XIRP2: variants seen among roughly 807,000 people sequenced by gnomAD.
The protein encoded by XIRP2 is xin actin binding repeat containing 2.
In XIRP2, 236 loss-of-function variants were observed where a neutral mutation model predicts 277.0. The observed-to-expected ratio is 0.85, with a 90% CI of 0.77 to 0.95. The LOEUF is 0.95. XIRP2 is among the 40% of genes least tolerant of loss of function. The probability of loss-of-function intolerance (pLI) is 0.00; values close to 1 mark genes in which losing one functional copy is unlikely to be tolerated. For synonymous variants in XIRP2, 1,490 were observed against 1,416.5 expected, an observed-to-expected ratio of 1.05 and a Z score of -1.17; for missense variants, 4,640 against 4,157.5, an observed-to-expected ratio of 1.12 and a Z score of -3.19.
rs1695417522 is a variant in XIRP2, at chr2:167,249,908, G to A, written c.8516G>A (p.Arg2839Lys). ...GRKEERLITERKHEHLKNKSA... is the reference protein window; with the variant it reads ...GRKEERLITEKKHEHLKNKSA... ...AAAGAAGAGAGATTAATAACTGAAA[G>A]AAAACACGAACATCTGAAGAATAAA... The change falls in exon 9 of 11, where the codon AGA becomes AAA. Residue 2839 changes from arginine to lysine, a missense_variant. Transcript: ENST00000409195. 1 of 1,613,252 alleles carries A rather than the reference G, an allele frequency of 6.2e-7. No homozygotes were observed.
intron 2 of XIRP2, among the ~76,000 whole-genome samples, chr2:166,914,366 A>G (rs373389699): frequency 5.3e-4 from 80 of 152,194 alleles, no homozygotes; most frequent in African/African-American, 1.7e-3. Context: ...TTTGAGATGG[A>G]GTCTCGCTCT....
chr2:167,207,466 G>A (rs1352910062), intron 3 of XIRP2, among the ~76,000 whole-genome samples: 1 of 152,120 alleles, frequency 6.6e-6, no homozygotes, highest in East Asian at 1.9e-4. Flanking sequence ...GTTACGGAAT[G>A]CAGACCTGTG....
intron 1 of XIRP2, among the ~76,000 whole-genome samples, chr2:166,891,360 G>A (rs1684099924): frequency 2.0e-5 from 3 of 152,102 alleles, no homozygotes; most frequent in Non-Finnish European, 4.4e-5. Context: ...TATGAATTAT[G>A]CATGCATCCT....
Position 167,210,727 on chromosome 2 carries a change from G to A in XIRP2, c.563-8G>A. 1 of 1,614,014 alleles carries A rather than the reference G, an allele frequency of 6.2e-7. No homozygotes were observed. The highest frequency in any genetic ancestry group is 8.5e-7 in the Non-Finnish European group (1 of 1,179,878). ...ACACATGTGTAAGCATGCTCTGTTT[G>A]CTTTCAGCGACTGCTGGCCCTAATA... On this transcript the variant is annotated splice_polypyrimidine_tract_variant and splice_region_variant and intron_variant, in intron 3 of 10. Transcript: ENST00000409195.
intron 1 of XIRP2, among the ~76,000 whole-genome samples, chr2:166,892,063 G>C (rs530278288): frequency 6.6e-5 from 10 of 152,162 alleles, no homozygotes; most frequent in Admixed American, 6.6e-4. Context: ...CTATTTTGAA[G>C]GATGCTAGAA....
intron 2 of XIRP2, among the ~76,000 whole-genome samples, chr2:167,090,057 A>T (rs895721450): frequency 2.6e-5 from 4 of 152,174 alleles, no homozygotes; most frequent in African/African-American, 9.7e-5. Context: ...ATCAAATGCC[A>T]ACTCAGTGAA....
At chr2:167,067,103 A>C (rs1689319818) in intron 2 of XIRP2, among the ~76,000 whole-genome samples, 1 of 152,142 alleles carries the variant, frequency 6.6e-6, no homozygotes, top group East Asian at 1.9e-4. Context: ...ATTTTTAGCC[A>C]TTGGTTCTTC....
At chr2:167,153,506 C>T (rs1382579548) in intron 3 of XIRP2, among the ~76,000 whole-genome samples, 1 of 151,866 alleles carries the variant, frequency 6.6e-6, no homozygotes, top group Admixed American at 6.6e-5. Context: ...GTGCTGCATC[C>T]ATTAACTCGT....
intron 2 of XIRP2, among the ~76,000 whole-genome samples, chr2:166,910,487 T>A (rs1684669909): frequency 6.6e-6 from 1 of 152,218 alleles, no homozygotes; most frequent in African/African-American, 2.4e-5. Context: ...ATGGCATCTA[T>A]TTGATTCTTC....
intron 3 of XIRP2, among the ~76,000 whole-genome samples, chr2:167,155,209 C>A (rs1692149524): frequency 6.6e-6 from 1 of 151,230 alleles, no homozygotes; most frequent in Admixed American, 6.6e-5. Context: ...CTATTCCAAT[C>A]AATAGAAAAA....
In XIRP2 at chr2:167,243,484, A is replaced by G. The variant is rs777940740; in HGVS notation, c.2092A>G (p.Thr698Ala). ...CAAGACTGTGAGATACATGTTTGAA[A>G]CTCAACATCTAGATCAACTTGGACA... ...DVKTVRYMFE[T>A]QHLDQLGQLH... Residue 698 changes from threonine (T) to alanine (A), a missense_variant, in exon 9 of 11, where the codon ACT becomes GCT. By Grantham distance (58) the Thr-to-Ala change is moderately conservative (BLOSUM62 0). Transcript: ENST00000409195. The G allele has an allele frequency of 3.1e-6, 5 of 1,614,042 alleles. No individual in the cohort carries two copies. The highest frequency in any genetic ancestry group is 4.5e-5 in the East Asian group (2 of 44,860).
intron 2 of XIRP2, among the ~76,000 whole-genome samples, chr2:167,107,815 A>G (rs994694026): frequency 6.6e-6 from 1 of 151,570 alleles, no homozygotes; most frequent in African/African-American, 2.4e-5. Context: ...ATTTGTTCTA[A>G]TTTTTATTTA....
At chr2:166,939,700 A>AAAAAAC (rs1176805191) in intron 2 of XIRP2, among the ~76,000 whole-genome samples, 2 of 146,622 alleles carry the variant, frequency 1.4e-5, no homozygotes, top group African/African-American at 5.1e-5. Context: ...AAAAAAAAAC[A>AAAAAAC]AAAAACAAAA....
chr2:167,235,100 C>T (rs1694863301), intron 5 of XIRP2, among the ~76,000 whole-genome samples: 1 of 151,824 alleles, frequency 6.6e-6, no homozygotes, highest in Non-Finnish European at 1.5e-5. Context: ...GGTACATGTG[C>T]ATGTTTGTTA....
Position 167,239,966 on chromosome 2 carries a change from G to T in XIRP2, c.969+1G>T. The T allele has an allele frequency of 2.5e-6, 4 of 1,589,762 alleles. No homozygotes were observed. Among genetic ancestry groups the T allele is most frequent in the African/African-American group, 1.4e-5 (1 of 73,006 alleles). On this transcript the variant is annotated splice_donor_variant, in intron 6 of 10. Transcript: ENST00000409195. LOFTEE classifies it high-confidence loss of function. ...AATTGATGTTCATGGAACAGAAATG[G>T]TAACTATTTAGAAAGGCAGTACTTT...
chr2:167,254,002 A>G (rs769967375), intron 9 of XIRP2, 30 bp from the exon 10 acceptor site: 2 of 1,567,718 alleles, frequency 1.3e-6, no homozygotes, highest in Non-Finnish European at 1.7e-6. Context: ...AGATAACACT[A>G]CAGAAGGCTT....
chr2:167,188,113 A>G (rs1013225297), intron 3 of XIRP2, among the ~76,000 whole-genome samples: 2 of 152,228 alleles, frequency 1.3e-5, no homozygotes, highest in Non-Finnish European at 2.9e-5. Context: ...TAAGAAAAGC[A>G]CTGCCAGTTG....
chr2:167,013,570 A>G (rs933156660), intron 2 of XIRP2, among the ~76,000 whole-genome samples: 1 of 151,502 alleles, frequency 6.6e-6, no homozygotes, highest in Non-Finnish European at 1.5e-5. Context: ...ATATATATAG[A>G]AGTCCTAAAA....
At chr2:167,101,273 A>T (rs1276919175) in intron 2 of XIRP2, among the ~76,000 whole-genome samples, 3 of 152,242 alleles carry the variant, frequency 2.0e-5, no homozygotes, top group Non-Finnish European at 4.4e-5. Flanking sequence ...TGTATAGAAT[A>T]TAATCTCCTG....
Sources: gnomAD v4.1 joint callset for allele counts (sites outside exome capture counted in the v4.1 genomes callset) on GRCh38, gnomAD v4.1.1 for gene constraint, MANE v1.5 for transcripts, NCBI Gene and HGNC (gene_info 2026-07-23, HGNC 2026-07-21) for gene names.